The following ADGRB3 variants were observed in gnomAD, a reference collection of about 807,000 sequenced individuals.
The protein encoded by ADGRB3 is adhesion G protein-coupled receptor B3, also known as brain-specific angiogenesis inhibitor 3.
ADGRB3 carries 37 observed loss-of-function variants against 193.4 expected under a neutral mutation model. The ratio of observed to expected loss-of-function variants is 0.19; its 90% confidence interval spans 0.15 to 0.25. The LOEUF (loss-of-function observed/expected upper bound fraction) is 0.25. Ranked by LOEUF, ADGRB3 falls within the 10% of genes least tolerant of loss-of-function variation. The pLI is 1.00. For synonymous variants in ADGRB3, 690 were observed against 644.2 expected, an observed-to-expected ratio of 1.07 and a Z score of -1.08; for missense variants, 1,637 against 1,852.9, an observed-to-expected ratio of 0.88 and a Z score of 2.14.
intron 17 of ADGRB3, among the ~76,000 whole-genome samples, chr6:69,090,598 G>A (rs753941829): frequency 6.6e-6 from 1 of 152,084 alleles, no homozygotes; most frequent in Non-Finnish European, 1.5e-5. Context: ...GTTGGTACTG[G>A]GGACACAAAT....
At chr6:68,939,509 A>T (rs1767578617) in intron 5 of ADGRB3, among the ~76,000 whole-genome samples, 1 of 152,152 alleles carries the variant, frequency 6.6e-6, no homozygotes, top group African/African-American at 2.4e-5. Flanking sequence ...TTAGTTCAGA[A>T]TGTTGAAGTA....
At chr6:69,108,412 T>C (rs534416763) in intron 17 of ADGRB3, among the ~76,000 whole-genome samples, 1 of 151,648 alleles carries the variant, frequency 6.6e-6, no homozygotes, top group African/African-American at 2.4e-5. Context: ...CCAAATCTCA[T>C]CTCTGAAATA....
intron 20 of ADGRB3, among the ~76,000 whole-genome samples, chr6:69,262,512 T>C (rs569960906): frequency 3.9e-4 from 59 of 152,154 alleles, no homozygotes; most frequent in African/African-American, 1.4e-3. Flanking sequence ...AATTCTCCTA[T>C]GTTTTCAAAA....
At chr6:69,232,981 C>A in intron 17 of ADGRB3, 4 of 433,912 alleles carry the variant, frequency 9.2e-6, no homozygotes, top group Non-Finnish European at 1.6e-5. Context: ...CTGGCGGCTG[C>A]TCGTGCTGCC....
At chr6:69,060,904 CA>C (rs1334518899) in intron 15 of ADGRB3, among the ~76,000 whole-genome samples, 4 of 152,152 alleles carry the variant, frequency 2.6e-5, no homozygotes, top group Admixed American at 1.3e-4. Flanking sequence ...CACCCAGGAT[CA>C]CCTCTCAACT....
chr6:69,010,806 A>G (rs1671317656), intron 11 of ADGRB3, among the ~76,000 whole-genome samples: 1 of 151,900 alleles, frequency 6.6e-6, no homozygotes, highest in Non-Finnish European at 1.5e-5. Flanking sequence ...AAACAAAAAA[A>G]AGCAAAAAAA....
intron 17 of ADGRB3, among the ~76,000 whole-genome samples, chr6:69,203,878 G>A (rs898796679): frequency 2.0e-5 from 3 of 152,110 alleles, no homozygotes; most frequent in African/African-American, 7.2e-5. Flanking sequence ...ATGTACAGAA[G>A]CCAAGAGGTC....
At chr6:68,705,696 G>A (rs747217884) in intron 3 of ADGRB3, among the ~76,000 whole-genome samples, 4 of 152,174 alleles carry the variant, frequency 2.6e-5, no homozygotes, top group Non-Finnish European at 5.9e-5. Context: ...AGGGACTAGC[G>A]CTGAAGAAAT....
intron 3 of ADGRB3, among the ~76,000 whole-genome samples, chr6:68,887,174 T>G (rs529432969): frequency 1.3e-5 from 2 of 151,984 alleles, no homozygotes; most frequent in Non-Finnish European, 2.9e-5. Context: ...TTGTGCAGCT[T>G]TAAGATTTAA....
At chr6:68,826,930 T>C (rs551849997) in intron 3 of ADGRB3, among the ~76,000 whole-genome samples, 1 of 152,296 alleles carries the variant, frequency 6.6e-6, no homozygotes, top group African/African-American at 2.4e-5. Context: ...GATGTCAGTT[T>C]GGAGATGCCT....
chr6:69,382,968 A>T (rs1769983911), intron 31 of ADGRB3, 33 bp downstream of exon 31: 2 of 1,400,058 alleles, frequency 1.4e-6, no homozygotes, highest in Admixed American at 3.5e-5. Flanking sequence ...CCTGAGTAGA[A>T]GATGCATCAT....
chr6:68,745,940 G>A (rs981439681), intron 3 of ADGRB3, among the ~76,000 whole-genome samples: 1 of 151,922 alleles, frequency 6.6e-6, no homozygotes, highest in Non-Finnish European at 1.5e-5. Flanking sequence ...TGAAACCATA[G>A]TATTTGCCAG....
At chr6:68,704,272 A>G (rs1765289753) in intron 3 of ADGRB3, among the ~76,000 whole-genome samples, 1 of 152,144 alleles carries the variant, frequency 6.6e-6, no homozygotes, top group African/African-American at 2.4e-5. Context: ...TTGTTTTAAC[A>G]GTTTTGCTCT....
chr6:68,989,655 A>T (rs966014490), intron 10 of ADGRB3, among the ~76,000 whole-genome samples: 1 of 152,156 alleles, frequency 6.6e-6, no homozygotes, highest in Non-Finnish European at 1.5e-5. Flanking sequence ...CCTAGGAGAG[A>T]GTTAAATAAT....
chr6:69,292,170 T>C (rs768550798), intron 20 of ADGRB3, among the ~76,000 whole-genome samples: 14 of 152,246 alleles, frequency 9.2e-5, no homozygotes, highest in Non-Finnish European at 1.8e-4. Flanking sequence ...GTAAAACTTA[T>C]ATTAAATACA....
chr6:69,350,690 G>A (rs1395233959), intron 26 of ADGRB3, among the ~76,000 whole-genome samples: 1 of 152,020 alleles, frequency 6.6e-6, no homozygotes, highest in Non-Finnish European at 1.5e-5. Context: ...TTATTGCCAG[G>A]CATTAGAAAT....
intron 3 of ADGRB3, among the ~76,000 whole-genome samples, chr6:68,914,809 C>T (rs367953634): frequency 1.3e-5 from 2 of 152,126 alleles, no homozygotes; most frequent in East Asian, 3.9e-4. Context: ...GTGATTCTAC[C>T]TCATGTTAAT....
chr6:68,897,856 CAA>C (rs1325142743), intron 3 of ADGRB3, among the ~76,000 whole-genome samples: 7 of 132,948 alleles, frequency 5.3e-5, no homozygotes, highest in Admixed American at 5.2e-4. Context: ...AAGAAGAAAA[CAA>C]AAGAAAAAAG....
At chr6:69,329,064 C>G (rs59747061) in intron 22 of ADGRB3, among the ~76,000 whole-genome samples, 4,948 of 100,810 alleles carry the variant, frequency 0.049, 265 homozygotes, top group African/African-American at 0.18. Flanking sequence ...TACTGAATCT[C>G]TATTAGTATA....
Sources: allele counts gnomAD v4.1 joint callset (sites outside exome capture counted in the v4.1 genomes callset), GRCh38; gene constraint gnomAD v4.1.1; transcripts MANE v1.5; gene names NCBI Gene and HGNC (gene_info 2026-07-23, HGNC 2026-07-21).